Variants in QKI observed in about 807,000 individuals in gnomAD.
QKI encodes KH domain-containing RNA-binding protein QKI.
QKI carries 10 observed loss-of-function variants against 39.0 expected under a neutral mutation model. The observed-to-expected ratio is 0.26, with a 90% confidence interval of 0.16 to 0.43. The LOEUF is 0.43. Among genes scored for constraint, QKI ranks in the 20% least tolerant of loss-of-function variants. The pLI is 1.00. For missense variants in QKI, 218 were observed against 428.0 expected (o/e 0.51, Z 4.33); for synonymous variants, 204 against 155.4 (o/e 1.31, Z -2.33).
At chr6:163,482,423 C>CG (rs1325506224) in intron 3 of QKI, among the ~76,000 whole-genome samples, 1 of 152,110 alleles carries the variant, frequency 6.6e-6, no homozygotes, top group Non-Finnish European at 1.5e-5. Context: ...TGAATGTCCT[C>CG]TAATTCAGTT....
intron 2 of QKI, among the ~76,000 whole-genome samples, chr6:163,474,212 ATTAAACT>A (rs1407824119): frequency 6.6e-6 from 1 of 152,192 alleles, no homozygotes; most frequent in African/African-American, 2.4e-5. Context: ...AAAGTTTAAG[ATTAAACT>A]TTATGGTGGA....
At chr6:163,467,067 A>C (rs1376441298) in intron 2 of QKI, among the ~76,000 whole-genome samples, 1 of 152,064 alleles carries the variant, frequency 6.6e-6, no homozygotes, top group Non-Finnish European at 1.5e-5. Context: ...ACATCACCCA[A>C]TTTAAAAATA....
intron 2 of QKI, among the ~76,000 whole-genome samples, chr6:163,460,631 T>C (rs1269775445): frequency 6.6e-6 from 1 of 152,118 alleles, no homozygotes; most frequent in African/African-American, 2.4e-5. Flanking sequence ...GGCGTTTGTT[T>C]TAGAGGGATT....
At chr6:163,511,731 A>G (rs1779492160) in intron 3 of QKI, among the ~76,000 whole-genome samples, 1 of 151,996 alleles carries the variant, frequency 6.6e-6, no homozygotes, top group South Asian at 2.1e-4. Context: ...TGTGAAGCCT[A>G]AATGGCCACA....
At chr6:163,537,778 A>G (rs1781290290) in intron 4 of QKI, among the ~76,000 whole-genome samples, 1 of 152,046 alleles carries the variant, frequency 6.6e-6, no homozygotes, top group South Asian at 2.1e-4. Flanking sequence ...GCCTTTACCT[A>G]CTTCAAACCA....
intron 1 of QKI, among the ~76,000 whole-genome samples, chr6:163,420,640 G>A (rs1171062346): frequency 6.6e-6 from 1 of 152,018 alleles, no homozygotes; most frequent in East Asian, 1.9e-4. Context: ...AGCTTAATGT[G>A]AATTTTAAGT....
chr6:163,419,522 A>G (rs113885388), intron 1 of QKI, among the ~76,000 whole-genome samples: 3 of 152,284 alleles, frequency 2.0e-5, no homozygotes, highest in African/African-American at 7.2e-5. Context: ...TTTTGTACAC[A>G]GTCCTTGAAT....
chr6:163,494,743 A>T (rs930539245), intron 3 of QKI, among the ~76,000 whole-genome samples: 1 of 151,798 alleles, frequency 6.6e-6, no homozygotes, highest in Non-Finnish European at 1.5e-5. Context: ...ATGTCCCTCA[A>T]GCATAGTGCT....
chr6:163,527,569 C>G (rs1223378728), intron 3 of QKI, among the ~76,000 whole-genome samples: 1 of 152,096 alleles, frequency 6.6e-6, no homozygotes, highest in East Asian at 1.9e-4. Flanking sequence ...TCAGTATACT[C>G]TAATGCTTCA....
chr6:163,516,217 C>A (rs1345874198), intron 3 of QKI, among the ~76,000 whole-genome samples: 1 of 152,082 alleles, frequency 6.6e-6, no homozygotes, highest in Non-Finnish European at 1.5e-5. Flanking sequence ...TACATTGTAC[C>A]CCTCAGTGTC....
At chr6:163,415,413 G>T (rs1290434916) in intron 1 of QKI, 78 bp downstream of exon 1, 1 of 1,452,968 alleles carries the variant, frequency 6.9e-7, no homozygotes, top group African/African-American at 1.4e-5. Flanking sequence ...TGGTGGGGAG[G>T]GCGGGAAGGT....
intron 4 of QKI, among the ~76,000 whole-genome samples, chr6:163,537,970 G>C (rs1781300312): frequency 6.6e-6 from 1 of 152,136 alleles, no homozygotes; most frequent in Non-Finnish European, 1.5e-5. Context: ...ATTTGCCATA[G>C]CTTACCTTTC....
At chr6:163,415,364 C>G (rs776459078) in intron 1 of QKI, 29 bp downstream of exon 1, 1 of 1,568,608 alleles carries the variant, frequency 6.4e-7, no homozygotes. Flanking sequence ...CCGGCCCCGG[C>G]CCGACCCCCG....
intron 4 of QKI, among the ~76,000 whole-genome samples, chr6:163,550,950 A>C (rs1033340431): frequency 6.7e-5 from 10 of 149,914 alleles, no homozygotes; most frequent in Admixed American, 2.7e-4. Context: ...CTGTCTCACA[A>C]AAAAAAAAAA....
chr6:163,529,356 C>G (rs879809824), intron 3 of QKI, among the ~76,000 whole-genome samples: 1 of 152,080 alleles, frequency 6.6e-6, no homozygotes, highest in Non-Finnish European at 1.5e-5. Context: ...CATAAAAGTT[C>G]AATTATTCAA....
In QKI at chr6:163,478,846, G is replaced by A. The variant is rs759835385; in HGVS notation, c.352G>A (p.Gly118Arg). ...LTAKQLEAET[G>R]CKIMVRGKGS... Reference sequence around the variant, plus strand: ...AGCCAAACAACTTGAAGCAGAAACCGGATGTAAAATCATGGTCCGAGGCAA... The same window carrying A: ...AGCCAAACAACTTGAAGCAGAAACCAGATGTAAAATCATGGTCCGAGGCAA... The change falls in exon 3 of 8, where the codon GGA (glycine) becomes AGA (arginine). Residue 118 changes from glycine (G) to arginine (R), a missense_variant. Gly to Arg is a moderately radical substitution (Grantham distance 125, BLOSUM62 -2). Coordinates refer to ENST00000361752, the MANE Select transcript of QKI (RefSeq NM_006775.3). 53 of 1,612,690 alleles carry A rather than the reference G, an allele frequency of 3.3e-5. No individual in the cohort carries two copies. Among genetic ancestry groups the A allele is most frequent in the African/African-American group, 5.4e-5 (4 of 74,632 alleles).
At chr6:163,456,293 G>T (rs1296261274) in intron 2 of QKI, among the ~76,000 whole-genome samples, 4 of 151,720 alleles carry the variant, frequency 2.6e-5, no homozygotes, top group South Asian at 4.2e-4. Flanking sequence ...CATTTTTCTG[G>T]TTTATTTTCT....
At chr6:163,459,488 G>A (rs1053485810) in intron 2 of QKI, among the ~76,000 whole-genome samples, 37 of 152,182 alleles carry the variant, frequency 2.4e-4, no homozygotes, top group African/African-American at 8.7e-4. Context: ...AATGTCAGTA[G>A]TGCTGAGGTT....
chr6:163,559,059 C>T (rs1467842129), intron 4 of QKI, among the ~76,000 whole-genome samples: 2 of 152,206 alleles, frequency 1.3e-5, no homozygotes, highest in Non-Finnish European at 2.9e-5. Flanking sequence ...ACACACATTT[C>T]TTCCATCTTT....
Sources: gnomAD v4.1 joint callset for allele counts (sites outside exome capture counted in the v4.1 genomes callset) on GRCh38, gnomAD v4.1.1 for gene constraint, MANE v1.5 for transcripts, NCBI Gene and HGNC (gene_info 2026-07-23, HGNC 2026-07-21) for gene names.